Variants in PIGK observed in about 807,000 individuals in gnomAD.
PIGK encodes GPI-anchor transamidase.
In PIGK, 42 loss-of-function variants were observed where a neutral mutation model predicts 50.6. The ratio of observed to expected loss-of-function variants is 0.83; its 90% CI spans 0.65 to 1.07. The LOEUF is 1.07. Among genes scored for constraint, PIGK ranks in the 50% least tolerant of loss-of-function variants. The pLI is 0.00. For synonymous variants in PIGK, 151 were observed against 156.0 expected (o/e 0.97, Z 0.24); for missense variants, 448 against 488.7 (o/e 0.92, Z 0.78).
Position 77,116,562 on chromosome 1 carries a change from CTGTGTGTG to C in PIGK, c.1071+5705_1071+5712del, listed in dbSNP as rs763119489. On this transcript the variant is annotated intron_variant, in intron 10 of 10. Coordinates refer to ENST00000370812, the MANE Select transcript of PIGK (RefSeq NM_005482.3). ...CTAAACAAGCTGTTTAAATGTGTCT[CTGTGTGTG>C]TGTGTGTGTGTGTGTGTGTGTGTGT... Among the ~76,000 whole-genome samples, 777 of 134,980 alleles carry C rather than the reference CTGTGTGTG, an allele frequency of 5.8e-3. 6 individuals are homozygous for C. The highest frequency in any genetic ancestry group is 0.012 in the Middle Eastern group (3 of 252). The allele number at this position is 134,980 out of a possible 152,430, so 88.6% of individuals were successfully genotyped here.
At chr1:77,110,971 G>C (rs1196285056) in intron 10 of PIGK, among the ~76,000 whole-genome samples, 1 of 152,130 alleles carries the variant, frequency 6.6e-6, no homozygotes, top group Non-Finnish European at 1.5e-5. Context: ...CTTCTCAAAA[G>C]AAGATATTTA....
intron 9 of PIGK, among the ~76,000 whole-genome samples, chr1:77,135,519 T>C (rs1442093676): frequency 6.6e-6 from 1 of 152,094 alleles, no homozygotes; most frequent in African/African-American, 2.4e-5. Context: ...CATTATATTT[T>C]CTGTCTGTAG....
intron 9 of PIGK, among the ~76,000 whole-genome samples, chr1:77,131,116 C>G (rs145092763): frequency 9.9e-5 from 15 of 151,944 alleles, no homozygotes; most frequent in Non-Finnish European, 5.9e-5. Flanking sequence ...TATTTTGTCT[C>G]CATAAAGAAG....
rs185584715 is a variant in PIGK, at chr1:77,174,560, T to C, written c.240-5165A>G. Among the ~76,000 whole-genome samples the C allele has an allele frequency of 1.2e-4, 19 of 152,262 alleles. 1 individual carries two copies. Among genetic ancestry groups the C allele is most frequent in the African/African-American group, 4.3e-4 (18 of 41,544 alleles). Reference sequence around the variant, plus strand: ...AATAATCAGGTAGGAAATATACTTTTAGGGATAGCTAATGGCAGTTATGGG... The same window carrying C: ...AATAATCAGGTAGGAAATATACTTTCAGGGATAGCTAATGGCAGTTATGGG... On this transcript the variant is annotated intron_variant, in intron 3 of 10. Transcript: ENST00000370812.
chr1:77,131,667 A>G (rs1654374123), intron 9 of PIGK, among the ~76,000 whole-genome samples: 1 of 152,134 alleles, frequency 6.6e-6, no homozygotes, highest in African/African-American at 2.4e-5. Context: ...TAATTACAAA[A>G]TATTTCTCAT....
intron 9 of PIGK, among the ~76,000 whole-genome samples, chr1:77,123,855 A>C (rs1435377745): frequency 6.6e-6 from 1 of 152,152 alleles, no homozygotes; most frequent in Admixed American, 6.5e-5. Context: ...TCACATTTTG[A>C]AGCCTAACCA....
chr1:77,161,194 A>G lies in PIGK; in HGVS notation c.813+101T>C, dbSNP rs1010796324. 9 of 674,212 alleles carry G rather than the reference A, an allele frequency of 1.3e-5. No individual in the cohort carries two copies. The African/African-American group carries it at 1.6e-4, about 12-fold the overall frequency. The allele number at this position is 674,212 out of a possible 1,614,324, so 41.8% of individuals were successfully genotyped here. A position where few individuals can be genotyped will look rare whatever the true frequency, so the allele number is the denominator to read the frequency against. ...ATAGTTTTAAAAGCTATAATTCAACACATAAAACAAGATCCTCTAGGAGTG... is the reference window on the plus strand; with the variant it reads ...ATAGTTTTAAAAGCTATAATTCAACGCATAAAACAAGATCCTCTAGGAGTG... On this transcript the variant is annotated intron_variant, in intron 8 of 10. Transcript: ENST00000370812.
rs1271290443 is a variant in PIGK at position 77,154,556 on chromosome 1, C to T, written c.879G>A (p.Arg293=). The change falls in exon 9 of 11, where the codon AGG becomes AGA. Residue 293 remains arginine, a synonymous_variant. Transcript: ENST00000370812. ...CAGTTATCAGTACATTTTTAGGATC[C>T]CTCTGAAAAAGATCAGTGCGATGTC... is the stretch of plus-strand genomic sequence containing the variant. The part of the protein sequence containing the change: ...TPGHRTDLFQ[R]DPKNVLITDF... 1.2e-6 allele frequency: 2 copies of T among 1,612,326 alleles called. No individual in the cohort carries two copies. The highest frequency in any genetic ancestry group is 1.7e-5 in the Admixed American group (1 of 59,948).
chr1:77,134,805 C>T (rs1424664234), intron 9 of PIGK, among the ~76,000 whole-genome samples: 1 of 152,138 alleles, frequency 6.6e-6, no homozygotes, highest in African/African-American at 2.4e-5. Context: ...AGAAATTGTA[C>T]ACTACTACTT....
intron 3 of PIGK, among the ~76,000 whole-genome samples, chr1:77,187,689 T>C (rs1470903555): frequency 6.6e-6 from 1 of 152,154 alleles, no homozygotes; most frequent in African/African-American, 2.4e-5. Context: ...TCACGCCCTG[T>C]GATTAAGGTC....
intron 1 of PIGK, among the ~76,000 whole-genome samples, chr1:77,217,834 G>C (rs1299196147): frequency 6.6e-6 from 1 of 152,070 alleles, no homozygotes; most frequent in Admixed American, 6.5e-5. Context: ...CTGTATCTTA[G>C]CACATGAACA....
At chr1:77,177,162 C>T (rs1008709552) in intron 3 of PIGK, among the ~76,000 whole-genome samples, 2 of 152,198 alleles carry the variant, frequency 1.3e-5, no homozygotes, top group Non-Finnish European at 2.9e-5. Context: ...GACTATTATG[C>T]TACAGTGTAT....
Position 77,166,817 on chromosome 1 carries a change from T to TTC in PIGK, c.387_388dup (p.Asn130ArgfsTer7). Reference sequence around the variant, plus strand: ...CCTCCCAGTTAATACCCGTAAAAAATTCTCCACAGTTACCTAAGGGGGAAA... The same window carrying TTC: ...CCTCCCAGTTAATACCCGTAAAAAATTCTCTCCACAGTTACCTAAGGGGGAAA... On this transcript the variant is annotated frameshift_variant, in exon 5 of 11. Transcript: ENST00000370812. LOFTEE classifies it high-confidence loss of function. The TTC allele has an allele frequency of 6.5e-7, 1 of 1,549,324 alleles. No homozygotes were observed. The highest frequency in any genetic ancestry group is 8.9e-7 in the Non-Finnish European group (1 of 1,128,624).
At chr1:77,218,562 G>A (rs1459483539) in intron 1 of PIGK, among the ~76,000 whole-genome samples, 1 of 152,142 alleles carries the variant, frequency 6.6e-6, no homozygotes, top group Non-Finnish European at 1.5e-5. Flanking sequence ...GTCTTTTTAA[G>A]AGGAGGTAGG....
chr1:77,152,678 C>CA (rs201698906), intron 9 of PIGK, among the ~76,000 whole-genome samples: 3,204 of 146,336 alleles, frequency 0.022, 82 homozygotes, highest in Non-Finnish European at 0.028. Context: ...CAAAACAAAA[C>CA]AAAAAAACAA....
chr1:77,161,170 T>G lies in PIGK; in HGVS notation c.813+125A>C, dbSNP rs1655119732. ...ATACAGGTAAAAGGTAGATATCAAATAGTTTTAAAAGCTATAATTCAACAC... is the reference window on the plus strand; with the variant it reads ...ATACAGGTAAAAGGTAGATATCAAAGAGTTTTAAAAGCTATAATTCAACAC... On this transcript the variant is annotated intron_variant, in intron 8 of 10. Transcript: ENST00000370812. 3 of 625,050 alleles carry G rather than the reference T, an allele frequency of 4.8e-6. No individual in the cohort carries two copies. The South Asian group carries it at 6.1e-5, about 13-fold the overall frequency. 38.7% of individuals were successfully genotyped at this position (625,050 alleles called of 1,614,324 possible).
chr1:77,198,464 A>G (rs1557429052), intron 3 of PIGK, among the ~76,000 whole-genome samples: 1 of 152,066 alleles, frequency 6.6e-6, no homozygotes, highest in Non-Finnish European at 1.5e-5. Context: ...TTAAAGGTAC[A>G]AAGATTTGAA....
rs1313372656 is a variant in PIGK, at chr1:77,091,050, C to T, written c.*1324G>A. The T allele has an allele frequency of 6.6e-6, 1 of 152,056 alleles. No individual in the cohort carries two copies. The highest frequency in any genetic ancestry group is 1.5e-5 in the Non-Finnish European group (1 of 67,974). The allele number at this position is 152,056 out of a possible 1,614,324, so 9.4% of individuals were successfully genotyped here. A position where few individuals can be genotyped will look rare whatever the true frequency, so the allele number is the denominator to read the frequency against. On this transcript the variant is annotated 3_prime_UTR_variant, in exon 11 of 11. Coordinates refer to ENST00000370812, the MANE Select transcript of PIGK (RefSeq NM_005482.3). Reference sequence around the variant, plus strand: ...GGTTTTCTTGTGGAGGAAGAGTTGTCTTAATGTTACCTACAATTATAAACA... The same window carrying T: ...GGTTTTCTTGTGGAGGAAGAGTTGTTTTAATGTTACCTACAATTATAAACA...
chr1:77,129,309 G>A lies in PIGK; in HGVS notation c.987-6950C>T, dbSNP rs770637417. On this transcript the variant is annotated intron_variant, in intron 9 of 10. Coordinates refer to ENST00000370812, the MANE Select transcript of PIGK (RefSeq NM_005482.3). Reference sequence around the variant, plus strand: ...TGTACCATTCCGACGTTACAATGGTGGAGTTGGCAGGTGTGCGCAGGCCAA... The same window carrying A: ...TGTACCATTCCGACGTTACAATGGTAGAGTTGGCAGGTGTGCGCAGGCCAA... The A allele has an allele frequency of 5.0e-6, 8 of 1,596,302 alleles. No individual in the cohort carries two copies. In the East Asian group the frequency reaches 1.3e-4, roughly 27 times the overall value.
Sources: allele counts gnomAD v4.1 joint callset (sites outside exome capture counted in the v4.1 genomes callset), GRCh38; gene constraint gnomAD v4.1.1; transcripts MANE v1.5; gene names NCBI Gene and HGNC (gene_info 2026-07-23, HGNC 2026-07-21).